The following ALS2 variants were observed in gnomAD, a reference collection of about 807,000 sequenced individuals.
ALS2 encodes the protein alsin Rho guanine nucleotide exchange factor ALS2, also known as alsin.
ALS2 carries 117 observed loss-of-function variants against 203.4 expected under a neutral mutation model. The ratio of observed to expected loss-of-function variants is 0.58; its 90% CI spans 0.50 to 0.67. The LOEUF (loss-of-function observed/expected upper bound fraction) is 0.67. Ranked by LOEUF, ALS2 falls within the 30% of genes least tolerant of loss-of-function variation. ALS2 has a pLI of 0.00. For missense variants in ALS2, 1,715 were observed against 1,989.4 expected (o/e 0.86, Z 2.62); for synonymous variants, 718 against 725.9 (o/e 0.99, Z 0.17).
chr2:201,707,457 C>T (rs7589068), intron 28 of ALS2, among the ~76,000 whole-genome samples: 26,641 of 150,896 alleles, frequency 0.18, 2,625 homozygotes, highest in East Asian at 0.39. Flanking sequence ...TGAGACAGGT[C>T]TCACTTTGTC....
chr2:201,759,384 C>G, intron 4 of ALS2: 1 of 954,516 alleles, frequency 1.0e-6, no homozygotes, highest in Non-Finnish European at 1.2e-6. Flanking sequence ...AAATAAATTC[C>G]TTGTGAATTA....
chr2:201,769,798 T>C (rs535030664), intron 1 of ALS2, among the ~76,000 whole-genome samples: 76 of 152,324 alleles, frequency 5.0e-4, no homozygotes, highest in Non-Finnish European at 8.7e-4. Context: ...ATTTGTGGTT[T>C]TTCTGCAAAA....
At chr2:201,726,948 G>C in intron 17 of ALS2, 82 bp from the exon 18 acceptor site, 1 of 1,272,790 alleles carries the variant, frequency 7.9e-7, no homozygotes, top group East Asian at 2.5e-5. Flanking sequence ...TTTCTTTGGT[G>C]TGAATAAATT....
intron 11 of ALS2, chr2:201,741,445 G>C (rs1026205339): frequency 3.4e-5 from 17 of 494,914 alleles, no homozygotes; most frequent in Middle Eastern, 5.6e-4. Context: ...CACTCTGCTA[G>C]AATATAGAAG....
chr2:201,704,700 T>C (rs1176599187), intron 31 of ALS2, 97 bp from the exon 32 acceptor site: 30 of 1,379,352 alleles, frequency 2.2e-5, no homozygotes, highest in Non-Finnish European at 2.8e-5. Flanking sequence ...GGGATTCACA[T>C]GCCTTAACCC....
chr2:201,742,227 C>G (rs530061580), intron 10 of ALS2, among the ~76,000 whole-genome samples: 1 of 152,302 alleles, frequency 6.6e-6, no homozygotes, highest in African/African-American at 2.4e-5. Flanking sequence ...CTAACTTAAG[C>G]CACTGATTAG....
At chr2:201,760,175 TG>T in intron 4 of ALS2, 1 of 528,230 alleles carries the variant, frequency 1.9e-6, no homozygotes, top group Non-Finnish European at 2.4e-6. Context: ...TCAGCAGGTG[TG>T]GTGGCATGTG....
At chr2:201,716,073 A>C (rs1308579080) in intron 24 of ALS2, among the ~76,000 whole-genome samples, 2 of 152,190 alleles carry the variant, frequency 1.3e-5, no homozygotes, top group Non-Finnish European at 2.9e-5. Flanking sequence ...AAGCAAACCA[A>C]TTGACTCTGC....
chr2:201,767,263 G>C lies in ALS2; in HGVS notation c.141C>G (p.Ala47=), dbSNP rs267599157. The C allele has an allele frequency of 2.5e-6, 4 of 1,614,008 alleles. No homozygotes were observed. Among genetic ancestry groups the C allele is most frequent in the Admixed American group, 3.3e-5 (2 of 60,000 alleles). ...GAAGAACTCCATGTTTCACTCCGAG[G>C]GCTGCCTGCAAAACAGTCTTTCCTC... ...GWGGKTVLQA[A]LGVKHGVLLT... The change falls in exon 3 of 34, where the codon GCC becomes GCG. Residue 47 remains alanine (A), a synonymous_variant. Coordinates refer to ENST00000264276, the MANE Select transcript of ALS2 (RefSeq NM_020919.4).
chr2:201,702,291 C>T (rs992154763), intron 33 of ALS2, among the ~76,000 whole-genome samples: 1 of 151,860 alleles, frequency 6.6e-6, no homozygotes, highest in Non-Finnish European at 1.5e-5. Context: ...CATTGCAGAC[C>T]TGGGGAGTCA....
Position 201,720,337 on chromosome 2 carries a change from C to T in ALS2, c.3703-2127G>A, listed in dbSNP as rs561134482. On this transcript the variant is annotated intron_variant, in intron 23 of 33. Coordinates refer to ENST00000264276, the MANE Select transcript of ALS2 (RefSeq NM_020919.4). ...CATCAGACAAGCAACCAATATAATA[C>T]ACCATATTAGTAGAATAAATGATAA... is the stretch of plus-strand genomic sequence containing the variant. Among the ~76,000 whole-genome samples the T allele has an allele frequency of 2.0e-5, 3 of 152,040 alleles. No homozygotes were observed. The South Asian group carries it at 6.2e-4, about 32-fold the overall frequency.
intron 23 of ALS2, among the ~76,000 whole-genome samples, chr2:201,719,400 C>T (rs953233519): frequency 6.6e-6 from 1 of 152,124 alleles, no homozygotes; most frequent in Non-Finnish European, 1.5e-5. Context: ...ACCAGCCTGA[C>T]CAACATGGTG....
rs778877363 is a variant in ALS2 at position 201,726,858 on chromosome 2, C to T, written c.2988G>A (p.Trp996Ter). 6.2e-7 allele frequency: 1 copy of T among 1,613,806 alleles called. No individual in the cohort carries two copies. Among genetic ancestry groups the T allele is most frequent in the Non-Finnish European group, 8.5e-7 (1 of 1,179,894 alleles). ...CTACGGCTTGGCTTATAGCTCGTAGCCACTTTGTCTAGGAGCAAAAAGTAA... is the reference window on the plus strand; with the variant it reads ...CTACGGCTTGGCTTATAGCTCGTAGTCACTTTGTCTAGGAGCAAAAAGTAA... ...ISSTPQEKTKWLRAISQAVDQ... is the reference protein window; with the variant it reads ...ISSTPQEKTK The change falls in exon 18 of 34, where the codon TGG becomes TGA. Residue 996 changes from tryptophan (W) to a stop codon, truncating the protein, a stop_gained. Transcript: ENST00000264276. LOFTEE classifies it high-confidence loss of function.
intron 10 of ALS2, among the ~76,000 whole-genome samples, chr2:201,743,008 T>C (rs1692381706): frequency 6.6e-6 from 1 of 150,908 alleles, no homozygotes; most frequent in African/African-American, 2.4e-5. Context: ...GAGGTGAAGG[T>C]TGCAGTGAGC....
chr2:201,723,313 G>A lies in ALS2; in HGVS notation c.3624+17C>T. 1 of 1,575,620 alleles carries A rather than the reference G, an allele frequency of 6.3e-7. No individual in the cohort carries two copies. Among genetic ancestry groups the A allele is most frequent in the Non-Finnish European group, 8.7e-7 (1 of 1,145,100 alleles). ...TTTAAAAAGTTAGTAATAACTACATGCAAATATTCCACTCACCATCATTTT... is the reference window on the plus strand; with the variant it reads ...TTTAAAAAGTTAGTAATAACTACATACAAATATTCCACTCACCATCATTTT... On this transcript the variant is annotated intron_variant, in intron 22 of 33. Coordinates refer to ENST00000264276, the MANE Select transcript of ALS2 (RefSeq NM_020919.4).
chr2:201,741,537 T>A, intron 11 of ALS2, 137 bp downstream of exon 11: 1 of 945,944 alleles, frequency 1.1e-6, no homozygotes, highest in Non-Finnish European at 1.6e-6. Context: ...ATAGTTGGCT[T>A]AAGATTAAAA....
Position 201,746,712 on chromosome 2 carries a change from C to T in ALS2, c.1852G>A (p.Gly618Ser). Reference protein sequence around the residue: ...SENGVWSIAAGRDYSLFLVDT... With the variant: ...SENGVWSIAASRDYSLFLVDT... ...ACTAAAAACAGGGAATAATCCCTGC[C>T]TGCAGCTATGCTCCAGACTCCATTT... Residue 618 changes from glycine (G) to serine (S), a missense_variant, in exon 9 of 34, where the codon GGC becomes AGC. Around this residue, in one of 3 missense-constraint regions of ALS2, gnomAD observed 1,227 missense variants for 1,413.5 expected, o/e 0.87. Transcript: ENST00000264276. 1 of 1,614,154 alleles carries T rather than the reference C, an allele frequency of 6.2e-7. No individual in the cohort carries two copies. Among genetic ancestry groups the T allele is most frequent in the Non-Finnish European group, 8.5e-7 (1 of 1,180,034 alleles).
intron 13 of ALS2, among the ~76,000 whole-genome samples, chr2:201,732,049 T>C (rs574750382): frequency 1.3e-4 from 20 of 152,288 alleles, no homozygotes; most frequent in South Asian, 2.1e-4. Context: ...TGAGGCCATA[T>C]TGAGGTGAAA....
At chr2:201,756,425 G>C (rs2106077990) in intron 5 of ALS2, among the ~76,000 whole-genome samples, 1 of 152,176 alleles carries the variant, frequency 6.6e-6, no homozygotes, top group Non-Finnish European at 1.5e-5. Flanking sequence ...AGAACAAGGG[G>C]AGAAACAGGT....
Sources: gnomAD v4.1 joint callset for allele counts (sites outside exome capture counted in the v4.1 genomes callset) on GRCh38, gnomAD v4.1.1 for gene constraint, gnomAD v4.1.1 regional missense constraint, MANE v1.5 for transcripts, NCBI Gene and HGNC (gene_info 2026-07-23, HGNC 2026-07-21) for gene names.